The following ASIC2 variants were observed in gnomAD, a reference collection of about 807,000 sequenced individuals.
The protein encoded by ASIC2 is acid-sensing ion channel 2.
A neutral mutation model predicts 57.3 loss-of-function variants in ASIC2; 25 were observed. The ratio of observed to expected loss-of-function variants is 0.44; its 90% CI spans 0.32 to 0.61. ASIC2 has a LOEUF of 0.61. Ranked by LOEUF, ASIC2 falls within the 20% of genes least tolerant of loss-of-function variation. ASIC2 has a pLI of 0.06. For synonymous variants in ASIC2, 319 were observed against 307.5 expected (o/e 1.04, Z -0.39); for missense variants, 641 against 738.1 (o/e 0.87, Z 1.52).
intron 1 of ASIC2, chr17:34,002,729 T>C (rs1215142813): frequency 6.6e-6 from 1 of 152,254 alleles, no homozygotes; most frequent in African/African-American, 2.4e-5. Flanking sequence ...AACAATTCAT[T>C]ATTCCTAGTG....
At chr17:33,953,297 A>G (rs536465453) in intron 1 of ASIC2, among the ~76,000 whole-genome samples, 1 of 152,322 alleles carries the variant, frequency 6.6e-6, no homozygotes, top group African/African-American at 2.4e-5. Flanking sequence ...TCTTAAAAAT[A>G]CCAATTTATA....
chr17:33,263,946 T>C lies in ASIC2; in HGVS notation c.708+27462A>G, dbSNP rs540678668. ...GGCTGGGAGCCTGGGAATAGATGAG[T>C]GGTGGTAAGTGGAGGGGAGGGCAAG... On this transcript the variant is annotated intron_variant, in intron 1 of 9. Transcript: ENST00000225823. 2.6e-5 allele frequency among the ~76,000 whole-genome samples: 4 copies of C among 151,850 alleles called. No individual in the cohort carries two copies. The South Asian group carries it at 6.3e-4, about 24-fold the overall frequency.
At chr17:33,268,741 C>A (rs1909575572) in intron 1 of ASIC2, among the ~76,000 whole-genome samples, 1 of 152,124 alleles carries the variant, frequency 6.6e-6, no homozygotes, top group Non-Finnish European at 1.5e-5. Context: ...GCCTCATTTC[C>A]CCACCATCCT....
At chr17:33,828,572 C>A (rs1165544813) in intron 1 of ASIC2, 10 of 152,144 alleles carry the variant, frequency 6.6e-5, no homozygotes, top group Non-Finnish European at 1.5e-4. Flanking sequence ...GGACTCGGCG[C>A]TTCCTCGTCT....
chr17:33,782,232 C>G (rs1369311013), intron 1 of ASIC2, among the ~76,000 whole-genome samples: 1 of 152,114 alleles, frequency 6.6e-6, no homozygotes, highest in Non-Finnish European at 1.5e-5. Context: ...TCTGCCTAGC[C>G]CTCAGTCCTG....
chr17:33,717,365 G>A (rs180769527), intron 1 of ASIC2, among the ~76,000 whole-genome samples: 64 of 152,322 alleles, frequency 4.2e-4, no homozygotes, highest in African/African-American at 1.3e-3. Flanking sequence ...GTGGAGTTGG[G>A]CAAGGGGAAC....
intron 1 of ASIC2, among the ~76,000 whole-genome samples, chr17:33,382,187 C>T (rs575315284): frequency 5.5e-4 from 83 of 152,276 alleles, no homozygotes; most frequent in African/African-American, 1.9e-3. Context: ...GGGCCTAATT[C>T]CTGTTCCAAT....
At chr17:33,202,677 A>G (rs895073138) in intron 1 of ASIC2, among the ~76,000 whole-genome samples, 2 of 152,236 alleles carry the variant, frequency 1.3e-5, no homozygotes, top group African/African-American at 4.8e-5. Context: ...AAGAGTTGCT[A>G]TGGAGAGCGA....
intron 1 of ASIC2, among the ~76,000 whole-genome samples, chr17:33,775,366 C>G (rs1183957293): frequency 1.3e-5 from 2 of 152,232 alleles, no homozygotes; most frequent in African/African-American, 4.8e-5. Context: ...GACTCAGCAT[C>G]TGCCTTCATG....
chr17:33,899,674 A>G (rs1484803010), intron 1 of ASIC2, among the ~76,000 whole-genome samples: 1 of 152,222 alleles, frequency 6.6e-6, no homozygotes, highest in Non-Finnish European at 1.5e-5. Flanking sequence ...GGTATGAGAT[A>G]CACAAAGGGA....
chr17:33,294,764 C>T (rs576781950), upstream of ASIC2, among the ~76,000 whole-genome samples: 1 of 152,160 alleles, frequency 6.6e-6, no homozygotes, highest in Non-Finnish European at 1.5e-5. Flanking sequence ...CACACACACA[C>T]CTGGAAACCC....
chr17:33,309,213 T>C (rs1445623381), intron 1 of ASIC2, among the ~76,000 whole-genome samples: 1 of 152,154 alleles, frequency 6.6e-6, no homozygotes, highest in Non-Finnish European at 1.5e-5. Flanking sequence ...AGCTCAGATA[T>C]TGACTTTCAA....
Position 33,292,838 on chromosome 17 carries a change from C to G in ASIC2, c.-723G>C, listed in dbSNP as rs1905555500. On this transcript the variant is annotated 5_prime_UTR_variant, in exon 1 of 10. Transcript: ENST00000225823. ...CGGCAGAGACCTGCTTAGGCTTCCC[C>G]AAGTCCTGCGCCTAAGTCCTGCCAG... The G allele has an allele frequency of 2.0e-6, 2 of 985,592 alleles. No individual in the cohort carries two copies. The highest frequency in any genetic ancestry group is 2.4e-6 in the Non-Finnish European group (2 of 830,048). The allele number at this position is 985,592 out of a possible 1,614,324, so 61.1% of individuals were successfully genotyped here. A position where few individuals can be genotyped will look rare whatever the true frequency, so the allele number is the denominator to read the frequency against.
At chr17:33,286,338 G>A (rs539196054) in intron 1 of ASIC2, among the ~76,000 whole-genome samples, 1 of 152,328 alleles carries the variant, frequency 6.6e-6, no homozygotes, top group African/African-American at 2.4e-5. Context: ...TTCTCATAGA[G>A]TTAGGAACAG....
chr17:34,041,288 G>A (rs1908122472), intron 1 of ASIC2: 1 of 152,214 alleles, frequency 6.6e-6, no homozygotes, highest in Non-Finnish European at 1.5e-5. Flanking sequence ...GGCAGAAGAA[G>A]AGACTGGTTG....
At chr17:33,367,598 G>C (rs987496802) in intron 1 of ASIC2, among the ~76,000 whole-genome samples, 1 of 152,144 alleles carries the variant, frequency 6.6e-6, no homozygotes, top group African/African-American at 2.4e-5. Context: ...TGCTGTCAGG[G>C]GTACTCACTC....
At chr17:33,018,346 C>A (rs2091818069) in intron 7 of ASIC2, among the ~76,000 whole-genome samples, 1 of 152,200 alleles carries the variant, frequency 6.6e-6, no homozygotes, top group African/African-American at 2.4e-5. Context: ...TACACCTAGG[C>A]CAATAGAATC....
At chr17:33,711,449 G>C (rs1909032962) in intron 1 of ASIC2, among the ~76,000 whole-genome samples, 1 of 152,172 alleles carries the variant, frequency 6.6e-6, no homozygotes, top group African/African-American at 2.4e-5. Context: ...AAGGGTGGCG[G>C]GGCTGGGAGC....
chr17:33,659,766 G>A (rs544790236), intron 1 of ASIC2, among the ~76,000 whole-genome samples: 1 of 152,014 alleles, frequency 6.6e-6, no homozygotes, highest in South Asian at 2.1e-4. Context: ...CAGCTACTGG[G>A]GAGGCTGAGG....
Sources: allele counts gnomAD v4.1 joint callset (sites outside exome capture counted in the v4.1 genomes callset), GRCh38; gene constraint gnomAD v4.1.1; transcripts MANE v1.5; gene names NCBI Gene and HGNC (gene_info 2026-07-23, HGNC 2026-07-21).